Variants in STPG2 observed in about 807,000 individuals in gnomAD.
STPG2 encodes the protein sperm-tail PG-rich repeat-containing protein 2.
Under a neutral mutation model 54.2 loss-of-function variants are expected in STPG2, and 56 were observed. The observed-to-expected ratio is 1.03, with a 90% CI of 0.83 to 1.29. The LOEUF (loss-of-function observed/expected upper bound fraction) is 1.29, where lower values mean the gene tolerates loss of function less well. STPG2 is among the 50% of genes most tolerant of loss of function. STPG2 has a pLI of 0.00. For missense variants in STPG2, 596 were observed against 544.9 expected, an observed-to-expected ratio of 1.09 and a Z score of -0.93; for synonymous variants, 200 against 181.8, an observed-to-expected ratio of 1.10 and a Z score of -0.81.
intron 6 of STPG2, among the ~76,000 whole-genome samples, chr4:97,978,075 TG>T (rs1223222914): frequency 5.3e-5 from 8 of 152,200 alleles, no homozygotes; most frequent in African/African-American, 1.9e-4. Flanking sequence ...CTTTCATCCA[TG>T]TGTGAGAAGG....
At chr4:98,089,797 A>C (rs1307445939) in intron 5 of STPG2, among the ~76,000 whole-genome samples, 1 of 151,280 alleles carries the variant, frequency 6.6e-6, no homozygotes. Context: ...TATTTCCCTG[A>C]TAATTAGCGA....
chr4:97,584,175 G>T (rs1292725793), intron 10 of STPG2, among the ~76,000 whole-genome samples: 1 of 151,786 alleles, frequency 6.6e-6, no homozygotes, highest in Non-Finnish European at 1.5e-5. Flanking sequence ...AAATTATATT[G>T]ACTACCCTCT....
intron 7 of STPG2, among the ~76,000 whole-genome samples, chr4:97,944,485 G>T (rs1319660954): frequency 6.6e-6 from 1 of 151,874 alleles, no homozygotes; most frequent in Non-Finnish European, 1.5e-5. Flanking sequence ...ATGCATTGAA[G>T]ATTTAAATTA....
At chr4:98,078,618 G>A (rs576014541) in intron 5 of STPG2, among the ~76,000 whole-genome samples, 2 of 151,636 alleles carry the variant, frequency 1.3e-5, no homozygotes, top group Non-Finnish European at 2.9e-5. Flanking sequence ...TGCAAAGAGT[G>A]CAAAGATAAA....
intron 5 of STPG2, among the ~76,000 whole-genome samples, chr4:98,069,974 C>A (rs1235754795): frequency 6.6e-6 from 1 of 152,004 alleles, no homozygotes; most frequent in African/African-American, 2.4e-5. Context: ...AGAGCTAGTA[C>A]CATTTCTACT....
intron 8 of STPG2, among the ~76,000 whole-genome samples, chr4:97,942,513 C>A (rs999143866): frequency 4.0e-5 from 6 of 150,400 alleles, no homozygotes; most frequent in Non-Finnish European, 8.9e-5. Context: ...TTTATAATTA[C>A]AAAAATCTCA....
At chr4:97,642,692 A>G (rs1365288708) in intron 10 of STPG2, among the ~76,000 whole-genome samples, 1 of 151,484 alleles carries the variant, frequency 6.6e-6, no homozygotes, top group African/African-American at 2.4e-5. Context: ...GTTATAAACA[A>G]TTCACGTAGG....
intron 2 of STPG2, among the ~76,000 whole-genome samples, chr4:98,133,957 G>A (rs917027257): frequency 2.0e-5 from 3 of 151,960 alleles, no homozygotes; most frequent in Non-Finnish European, 4.4e-5. Context: ...GGAGACAGAT[G>A]AGACAATGGC....
At chr4:98,046,538 T>C (rs1737134238) in intron 5 of STPG2, among the ~76,000 whole-genome samples, 1 of 152,078 alleles carries the variant, frequency 6.6e-6, no homozygotes, top group South Asian at 2.1e-4. Context: ...GTCCAAAATC[T>C]CATCTTTGCT....
intron 3 of STPG2, among the ~76,000 whole-genome samples, chr4:98,126,871 A>G (rs975870710): frequency 6.6e-6 from 1 of 152,076 alleles, no homozygotes; most frequent in Non-Finnish European, 1.5e-5. Flanking sequence ...GCAGGATCTG[A>G]GTGAAGGATA....
intron 5 of STPG2, among the ~76,000 whole-genome samples, chr4:97,984,703 C>T (rs188494727): frequency 5.3e-5 from 8 of 152,110 alleles, no homozygotes; most frequent in East Asian, 1.9e-4. Flanking sequence ...AAGATAAATA[C>T]GTATTTTTTG....
chr4:97,625,046 C>A (rs1246148238), intron 10 of STPG2, among the ~76,000 whole-genome samples: 2 of 152,144 alleles, frequency 1.3e-5, no homozygotes, highest in Admixed American at 6.5e-5. Context: ...AGAGCCTTCA[C>A]CAGAATCTGA....
intron 8 of STPG2, among the ~76,000 whole-genome samples, chr4:97,846,751 T>C (rs562700051): frequency 4.4e-4 from 67 of 151,870 alleles, no homozygotes; most frequent in Non-Finnish European, 8.4e-4. Flanking sequence ...TGCGAAAATA[T>C]GCAGTAGGTC....
At chr4:97,445,438 TAAG>T in intron 4 of STPG2, among the ~76,000 whole-genome samples, 2 of 152,290 alleles carry the variant, frequency 1.3e-5, no homozygotes, top group Middle Eastern at 6.8e-3. Flanking sequence ...AACGACCACA[TAAG>T]AAGTAAAAAT....
At chr4:97,452,794 G>C (rs1385727208) in intron 4 of STPG2, among the ~76,000 whole-genome samples, 3 of 152,192 alleles carry the variant, frequency 2.0e-5, no homozygotes, top group African/African-American at 7.2e-5. Context: ...CCTGCCTGCA[G>C]AGAGGAACTT....
chr4:97,466,766 T>A (rs957800463), intron 4 of STPG2, among the ~76,000 whole-genome samples: 5 of 151,996 alleles, frequency 3.3e-5, no homozygotes. Flanking sequence ...GCTGCTTGAA[T>A]AAGTTGGTAA....
At position 98,109,217 on chromosome 4, in the gene STPG2, C is replaced by T. The variant is rs1344628580; in HGVS notation, c.476G>A (p.Gly159Asp). The T allele has an allele frequency of 6.2e-7, 1 of 1,609,944 alleles. No individual in the cohort carries two copies. The highest frequency in any genetic ancestry group is 2.2e-5 in the East Asian group (1 of 44,782). The stretch of plus-strand genomic sequence containing the variant: ...CTGGACTATATCATACTGTCCTGGA[C>T]CAGGACCTGACTTTTTAGGTAACTC... ...RQELPKKSGP[G>D]PGQYDIVQKK... The change falls in exon 4 of 11, where the codon GGT becomes GAT. Residue 159 changes from glycine to aspartate, a missense_variant. Physicochemically the swap from Gly to Asp is moderately conservative, Grantham distance 94. Transcript: ENST00000295268.
chr4:97,988,941 T>C (rs1045862909), intron 5 of STPG2, among the ~76,000 whole-genome samples: 6 of 152,198 alleles, frequency 3.9e-5, no homozygotes, highest in Non-Finnish European at 5.9e-5. Context: ...ATAAAATATG[T>C]AAATCCTATG....
downstream of STPG2, among the ~76,000 whole-genome samples, chr4:97,557,100 G>T (rs1732096098): frequency 3.3e-5 from 5 of 152,122 alleles, no homozygotes; most frequent in South Asian, 1.0e-3. Context: ...AGAATCACTT[G>T]AACCTGGGAG....
Sources: gnomAD v4.1 joint callset for allele counts (sites outside exome capture counted in the v4.1 genomes callset) on GRCh38, gnomAD v4.1.1 for gene constraint, MANE v1.5 for transcripts, NCBI Gene and HGNC (gene_info 2026-07-23, HGNC 2026-07-21) for gene names.